Variants in ME1 observed in about 807,000 individuals in gnomAD.
ME1 encodes the protein malic enzyme 1, also known as NADP-dependent malic enzyme.
A neutral mutation model predicts 66.4 loss-of-function variants in ME1; 74 were observed. That is an observed-to-expected ratio of 1.11 (90% confidence interval 0.92 to 1.35). The LOEUF is 1.35. Ranked by LOEUF, ME1 falls within the 40% of genes most tolerant of loss-of-function variation. ME1 has a pLI of 0.00. For missense variants in ME1, 750 were observed against 694.1 expected (o/e 1.08, Z -0.90); for synonymous variants, 251 against 235.6 (o/e 1.07, Z -0.60).
chr6:83,285,565 A>C (rs947577102), intron 6 of ME1, among the ~76,000 whole-genome samples: 1 of 152,196 alleles, frequency 6.6e-6, no homozygotes, highest in Non-Finnish European at 1.5e-5. Context: ...GCAAATATTG[A>C]AGGGAAGTCT....
intron 3 of ME1, among the ~76,000 whole-genome samples, chr6:83,383,370 T>C (rs1319297078): frequency 1.2e-4 from 18 of 151,948 alleles, no homozygotes; most frequent in Admixed American, 9.9e-4. Context: ...AGCTCAACTA[T>C]TGTTTCCAAA....
chr6:83,282,325 C>A (rs139952639), intron 6 of ME1, among the ~76,000 whole-genome samples: 7,035 of 152,256 alleles, frequency 0.046, 234 homozygotes, highest in South Asian at 0.1. Context: ...AGTGAACAGG[C>A]AACCTACAGA....
intron 12 of ME1, 46 bp from the exon 13 acceptor site, chr6:83,216,642 A>G (rs1437134921): frequency 7.7e-7 from 1 of 1,301,740 alleles, no homozygotes; most frequent in East Asian, 2.3e-5. Flanking sequence ...TTCACACGAT[A>G]CAATGTGGTG....
chr6:83,353,191 A>C lies in ME1; in HGVS notation c.363-1052T>G, dbSNP rs558370955. Among the ~76,000 whole-genome samples, 588 of 152,312 alleles carry C rather than the reference A, an allele frequency of 3.9e-3. 5 individuals are homozygous for C. Among genetic ancestry groups the C allele is most frequent in the Middle Eastern group, 0.01 (3 of 294 alleles). On this transcript the variant is annotated intron_variant, in intron 3 of 13. Coordinates refer to ENST00000369705, the MANE Select transcript of ME1 (RefSeq NM_002395.6). The stretch of plus-strand genomic sequence containing the variant: ...TGGAAAATTGGTAATTGAAAATTGA[A>C]TCTAGAAGCATAATCAGATTTATGT...
chr6:83,371,429 C>T (rs1562492778), intron 3 of ME1, among the ~76,000 whole-genome samples: 1 of 152,144 alleles, frequency 6.6e-6, no homozygotes, highest in East Asian at 1.9e-4. Flanking sequence ...GGAAAACTGA[C>T]AGAGACTCAC....
At chr6:83,428,112 A>G (rs1035597685) in intron 1 of ME1, among the ~76,000 whole-genome samples, 4 of 152,204 alleles carry the variant, frequency 2.6e-5, no homozygotes, top group Non-Finnish European at 5.9e-5. Context: ...TAAGACTAAC[A>G]TAACTAAGAA....
chr6:83,344,633 C>G (rs1476685183), intron 5 of ME1, among the ~76,000 whole-genome samples: 15 of 152,016 alleles, frequency 9.9e-5, no homozygotes, highest in Admixed American at 9.8e-4. Flanking sequence ...CCGGTAATCC[C>G]AGCACTTTGG....
chr6:83,321,028 G>A (rs548510749), intron 5 of ME1, among the ~76,000 whole-genome samples: 2 of 152,230 alleles, frequency 1.3e-5, no homozygotes, highest in Non-Finnish European at 2.9e-5. Flanking sequence ...GTGGGGCATC[G>A]CTGCACCCAG....
intron 3 of ME1, among the ~76,000 whole-genome samples, chr6:83,371,790 AC>A (rs1419307167): frequency 6.6e-6 from 1 of 152,194 alleles, no homozygotes; most frequent in Non-Finnish European, 1.5e-5. Flanking sequence ...AAAATCTGTC[AC>A]TAGTTTCCTT....
chr6:83,228,758 T>C, intron 10 of ME1, 68 bp downstream of exon 10: 6 of 1,026,780 alleles, frequency 5.8e-6, no homozygotes, highest in East Asian at 2.4e-5. Flanking sequence ...ACCTCAAAAA[T>C]TGGTAGTAAA....
chr6:83,260,309 A>G (rs981894857), intron 6 of ME1, among the ~76,000 whole-genome samples: 1 of 152,220 alleles, frequency 6.6e-6, no homozygotes, highest in Non-Finnish European at 1.5e-5. Context: ...GTTTATAACT[A>G]AAGTGGCTAT....
rs780836146 is a variant in ME1, at chr6:83,253,747, C to CA, written c.705-10dup. The CA allele has an allele frequency of 7.4e-7, 1 of 1,354,370 alleles. No homozygotes were observed. The highest frequency in any genetic ancestry group is 1.4e-5 in the African/African-American group (1 of 69,584). 83.9% of individuals were successfully genotyped at this position (1,354,370 alleles called of 1,614,324 possible). A position where few individuals can be genotyped will look rare whatever the true frequency, so the allele number is the denominator to read the frequency against. Reference sequence around the variant, plus strand: ...GGCAATTCATGCCATACCTATGGGACAAAAACATTCATATTAGAAGAGGTT... The same window carrying CA: ...GGCAATTCATGCCATACCTATGGGACAAAAAACATTCATATTAGAAGAGGTT... On this transcript the variant is annotated splice_polypyrimidine_tract_variant and intron_variant, in intron 6 of 13. Coordinates refer to ENST00000369705, the MANE Select transcript of ME1 (RefSeq NM_002395.6).
chr6:83,244,464 T>C (rs1215197109), intron 7 of ME1, among the ~76,000 whole-genome samples: 1 of 152,138 alleles, frequency 6.6e-6, no homozygotes. Context: ...TAATAGTACC[T>C]ATAGGTATAT....
At chr6:83,382,009 C>T (rs1390633605) in intron 3 of ME1, among the ~76,000 whole-genome samples, 1 of 152,060 alleles carries the variant, frequency 6.6e-6, no homozygotes, top group Non-Finnish European at 1.5e-5. Context: ...AAGCTATCCC[C>T]TCAGGCTCAA....
At chr6:83,359,024 C>T (rs1038488598) in intron 3 of ME1, among the ~76,000 whole-genome samples, 200 of 152,276 alleles carry the variant, frequency 1.3e-3, no homozygotes, top group African/African-American at 4.2e-3. Context: ...CAGGCAGAGG[C>T]GCTCCTCACT....
chr6:83,230,253 C>T (rs903994275), intron 9 of ME1, among the ~76,000 whole-genome samples: 7 of 151,848 alleles, frequency 4.6e-5, no homozygotes, highest in African/African-American at 1.4e-4. Flanking sequence ...CTCGGCTCAC[C>T]GCAACCTCCG....
At chr6:83,314,087 A>G (rs1213084148) in intron 6 of ME1, among the ~76,000 whole-genome samples, 1 of 152,210 alleles carries the variant, frequency 6.6e-6, no homozygotes, top group Non-Finnish European at 1.5e-5. Context: ...TTTAAATAGT[A>G]TGTGGTTTCT....
chr6:83,346,032 C>T, intron 5 of ME1, 141 bp downstream of exon 5: 2 of 583,042 alleles, frequency 3.4e-6, no homozygotes, highest in South Asian at 3.5e-5. Context: ...TTTCTTACAA[C>T]AGTAAAGGGC....
At chr6:83,217,699 G>A (rs771129181) in intron 12 of ME1, among the ~76,000 whole-genome samples, 10 of 152,158 alleles carry the variant, frequency 6.6e-5, no homozygotes, top group Non-Finnish European at 1.0e-4. Context: ...GGAAAGCCTG[G>A]AGTTAGACAA....
Sources: allele counts gnomAD v4.1 joint callset (sites outside exome capture counted in the v4.1 genomes callset), GRCh38; gene constraint gnomAD v4.1.1; transcripts MANE v1.5; gene names NCBI Gene and HGNC (gene_info 2026-07-23, HGNC 2026-07-21).